TENM4: variants seen among roughly 807,000 people sequenced by gnomAD.
TENM4 encodes teneurin-4.
A neutral mutation model predicts 243.3 loss-of-function variants in TENM4; 82 were observed. The ratio of observed to expected loss-of-function variants is 0.34; its 90% CI spans 0.28 to 0.40. TENM4 has a LOEUF of 0.40. Among genes scored for constraint, TENM4 ranks in the 10% least tolerant of loss-of-function variants. TENM4 has a pLI of 1.00. For missense variants in TENM4, 3,138 were observed against 3,673.3 expected (o/e 0.85, Z 3.77); for synonymous variants, 1,412 against 1,456.3 (o/e 0.97, Z 0.69).
intron 4 of TENM4, among the ~76,000 whole-genome samples, chr11:79,090,660 C>T (rs748809990): frequency 2.6e-5 from 4 of 152,322 alleles, no homozygotes; most frequent in Middle Eastern, 6.8e-3. Context: ...ATCCCCTGTG[C>T]GCCTCTGCCT....
rs573805143 is a variant in TENM4 at position 78,671,969 on chromosome 11, C to G, written c.5793+64G>C. On this transcript the variant is annotated intron_variant, in intron 31 of 33. Transcript: ENST00000278550. ...AGCCCACTGAGGCCACCAGGCTGGG[C>G]TTGGCCGTGAATGATTGGCCTTCTG... is the stretch of plus-strand genomic sequence containing the variant. The G allele has an allele frequency of 8.2e-5, 126 of 1,540,668 alleles. 2 individuals carry two copies. In the South Asian group the frequency reaches 1.5e-3, roughly 19 times the overall value.
At chr11:79,121,915 T>C (rs750813224) in intron 4 of TENM4, among the ~76,000 whole-genome samples, 2 of 152,220 alleles carry the variant, frequency 1.3e-5, no homozygotes, top group South Asian at 2.1e-4. Context: ...AGTGAACATA[T>C]GCAAAGCACC....
intron 3 of TENM4, among the ~76,000 whole-genome samples, chr11:79,163,089 C>T (rs1862789367): frequency 1.3e-5 from 2 of 152,146 alleles, no homozygotes; most frequent in Non-Finnish European, 2.9e-5. Flanking sequence ...AACCAGCCTG[C>T]TTACCAGACA....
chr11:78,846,027 C>T (rs1463582052), intron 12 of TENM4, among the ~76,000 whole-genome samples: 2 of 152,166 alleles, frequency 1.3e-5, no homozygotes, highest in African/African-American at 2.4e-5. Flanking sequence ...ATCTGTCTTG[C>T]TGATTCTCTG....
intron 2 of TENM4, among the ~76,000 whole-genome samples, chr11:79,259,524 T>TCC (rs1400342166): frequency 6.6e-6 from 1 of 151,650 alleles, no homozygotes; most frequent in Non-Finnish European, 1.5e-5. Context: ...CATCCATCCA[T>TCC]CCATCCACCC....
intron 2 of TENM4, among the ~76,000 whole-genome samples, chr11:79,258,448 C>A (rs896927671): frequency 1.3e-5 from 2 of 152,184 alleles, no homozygotes; most frequent in Admixed American, 6.5e-5. Flanking sequence ...AGGCTGGCCC[C>A]CTTCAATAAC....
At chr11:79,377,998 C>T (rs1857926505) in intron 1 of TENM4, among the ~76,000 whole-genome samples, 1 of 152,210 alleles carries the variant, frequency 6.6e-6, no homozygotes, top group Non-Finnish European at 1.5e-5. Context: ...AAACACTAAA[C>T]ACAGTTGAAC....
Position 78,770,180 on chromosome 11 carries a change from T to C in TENM4, c.2539+812A>G, listed in dbSNP as rs550932855. On this transcript the variant is annotated intron_variant, in intron 18 of 33. Coordinates refer to ENST00000278550, the MANE Select transcript of TENM4 (RefSeq NM_001098816.3). ...CTGTGAGTGGGAGAATCAGGAAGGA[T>C]TGATGTATCTTCCAAGTGGGAAAGT... 5.9e-5 allele frequency among the ~76,000 whole-genome samples: 9 copies of C among 152,344 alleles called. No homozygotes were observed. The South Asian group carries it at 6.2e-4, about 11-fold the overall frequency.
intron 9 of TENM4, among the ~76,000 whole-genome samples, chr11:78,888,686 G>A (rs1196867160): frequency 6.6e-6 from 1 of 152,170 alleles, no homozygotes; most frequent in African/African-American, 2.4e-5. Context: ...GACTTTGCTG[G>A]TTACCAAGTT....
At position 79,216,978 on chromosome 11, in the gene TENM4, C is replaced by T. The variant is rs145141663; in HGVS notation, c.-264-1069G>A. 1.2e-3 allele frequency among the ~76,000 whole-genome samples: 182 copies of T among 152,184 alleles called. 2 individuals carry two copies. The East Asian group carries it at 0.03, about 25-fold the overall frequency. ...CTGGTTCTGGCCCAGCTGCTGATTG[C>T]AACCTCTGGCTAATGACTTCCCCCC... On this transcript the variant is annotated intron_variant, in intron 2 of 33. Coordinates refer to ENST00000278550, the MANE Select transcript of TENM4 (RefSeq NM_001098816.3).
At position 78,814,297 on chromosome 11, in the gene TENM4, T is replaced by G. The variant is rs1187076060; in HGVS notation, c.1780A>C (p.Arg594=). The change falls in exon 13 of 34, where the codon AGA becomes CGA. Residue 594 remains arginine (R), a synonymous_variant. Transcript: ENST00000278550. ...AGCTCCAATGCAGAGTTCTCACCTC[T>G]GCCACAGTCGGGGCCCAGGAAACCC... ...FLGFLGPDCG[R]ASCPVLCSGN... 1 of 1,549,976 alleles carries G rather than the reference T, an allele frequency of 6.5e-7. No homozygotes were observed. Among genetic ancestry groups the G allele is most frequent in the East Asian group, 2.5e-5 (1 of 40,702 alleles).
chr11:78,861,691 T>C (rs1858822659), intron 10 of TENM4, among the ~76,000 whole-genome samples: 1 of 152,210 alleles, frequency 6.6e-6, no homozygotes, highest in East Asian at 1.9e-4. Context: ...GTAGATACTC[T>C]GACCAAGTAT....
chr11:79,255,475 GCCTGACCTATTTCA>G (rs1855686461), intron 2 of TENM4, among the ~76,000 whole-genome samples: 1 of 152,210 alleles, frequency 6.6e-6, no homozygotes, highest in South Asian at 2.1e-4. Flanking sequence ...CTCTTGGAAA[GCCTGACCTATTTCA>G]CCAGTTAGTG....
chr11:78,743,330 T>C (rs1855974577), intron 19 of TENM4, among the ~76,000 whole-genome samples: 1 of 152,158 alleles, frequency 6.6e-6, no homozygotes, highest in South Asian at 2.1e-4. Context: ...CAACCACATG[T>C]CCCTTACTGC....
At chr11:78,858,264 T>C (rs1481591727) in intron 10 of TENM4, among the ~76,000 whole-genome samples, 1 of 152,132 alleles carries the variant, frequency 6.6e-6, no homozygotes, top group Non-Finnish European at 1.5e-5. Flanking sequence ...ATAAGTTGGC[T>C]CTTACCCCAG....
intron 27 of TENM4, among the ~76,000 whole-genome samples, chr11:78,703,134 G>T (rs1859150155): frequency 6.6e-6 from 1 of 152,170 alleles, no homozygotes; most frequent in African/African-American, 2.4e-5. Flanking sequence ...GGTGAAATCA[G>T]ATCCCTGGGC....
intron 1 of TENM4, among the ~76,000 whole-genome samples, chr11:79,393,439 C>T (rs773990583): frequency 6.6e-6 from 1 of 152,188 alleles, no homozygotes; most frequent in African/African-American, 2.4e-5. Context: ...AATGGGACAA[C>T]AGCAAAGCCA....
chr11:78,674,300 G>A (rs553267322), intron 30 of TENM4, among the ~76,000 whole-genome samples: 8 of 152,300 alleles, frequency 5.3e-5, no homozygotes, highest in Middle Eastern at 6.8e-3. Flanking sequence ...AGGCACACCC[G>A]GCTAACATTC....
intron 16 of TENM4, among the ~76,000 whole-genome samples, chr11:78,779,733 A>T (rs947013092): frequency 4.6e-5 from 7 of 152,194 alleles, no homozygotes; most frequent in African/African-American, 1.4e-4. Context: ...GCCAGGCTGC[A>T]CTCCAGCCCC....
Sources: gnomAD v4.1 joint callset for allele counts (sites outside exome capture counted in the v4.1 genomes callset) on GRCh38, gnomAD v4.1.1 for gene constraint, MANE v1.5 for transcripts, NCBI Gene and HGNC (gene_info 2026-07-23, HGNC 2026-07-21) for gene names.